The following NELL2 variants were observed in gnomAD, a reference collection of about 807,000 sequenced individuals.
NELL2 encodes protein kinase C-binding protein NELL2.
In NELL2, 41 loss-of-function variants were observed where a neutral mutation model predicts 109.6. The observed-to-expected ratio is 0.37, with a 90% CI of 0.29 to 0.49. The LOEUF (loss-of-function observed/expected upper bound fraction) is 0.49, where lower values mean the gene tolerates loss of function less well. NELL2 is among the 20% of genes least tolerant of loss of function. NELL2 has a pLI of 0.98. For synonymous variants in NELL2, 355 were observed against 344.7 expected, an observed-to-expected ratio of 1.03 and a Z score of -0.33; for missense variants, 900 against 1,008.3, an observed-to-expected ratio of 0.89 and a Z score of 1.45.
At position 44,508,403 on chromosome 12, in the gene NELL2, A is replaced by T. The variant is rs1176899894; in HGVS notation, c.*531T>A. On this transcript the variant is annotated 3_prime_UTR_variant, in exon 20 of 20. Transcript: ENST00000429094. ...GGGATGACTTTTCCTGTTAGAAAAT[A>T]TTAAGTAACCATGCCTGTGCATTAT... The T allele has an allele frequency of 1.3e-5, 2 of 152,704 alleles. No homozygotes were observed. Among genetic ancestry groups the T allele is most frequent in the Non-Finnish European group, 2.9e-5 (2 of 68,098 alleles). 9.5% of individuals were successfully genotyped at this position (152,704 alleles called of 1,614,324 possible).
intron 13 of NELL2, among the ~76,000 whole-genome samples, chr12:44,650,176 C>A (rs973475582): frequency 6.6e-6 from 1 of 152,074 alleles, no homozygotes; most frequent in Non-Finnish European, 1.5e-5. Flanking sequence ...CTTATAATAT[C>A]TTGTTACCTC....
At chr12:44,902,298 A>T (rs2136882275) in intron 1 of NELL2, among the ~76,000 whole-genome samples, 1 of 152,314 alleles carries the variant, frequency 6.6e-6, no homozygotes, top group South Asian at 2.1e-4. Context: ...ACTCCCATCC[A>T]CAATTGCTAC....
At chr12:44,654,144 G>T (rs897215219) in intron 13 of NELL2, among the ~76,000 whole-genome samples, 1 of 152,152 alleles carries the variant, frequency 6.6e-6, no homozygotes, top group African/African-American at 2.4e-5. Flanking sequence ...GCTACAAATT[G>T]TACCATACTG....
chr12:44,565,019 A>C (rs1943602281), intron 15 of NELL2, among the ~76,000 whole-genome samples: 1 of 152,130 alleles, frequency 6.6e-6, no homozygotes, highest in Non-Finnish European at 1.5e-5. Flanking sequence ...AAAAATGGAT[A>C]TTTTTAATCT....
At chr12:44,573,682 A>G (rs960972498) in intron 15 of NELL2, among the ~76,000 whole-genome samples, 1 of 152,266 alleles carries the variant, frequency 6.6e-6, no homozygotes, top group African/African-American at 2.4e-5. Flanking sequence ...ATGGTTGGAA[A>G]GGAAAAGATT....
chr12:44,564,991 CCT>C (rs775117171), intron 15 of NELL2, among the ~76,000 whole-genome samples: 1 of 152,120 alleles, frequency 6.6e-6, no homozygotes, highest in Non-Finnish European at 1.5e-5. Flanking sequence ...GAATCAGAAT[CCT>C]CTGAGGATGC....
chr12:44,570,715 TATA>T (rs1295886137), intron 15 of NELL2, among the ~76,000 whole-genome samples: 1 of 152,178 alleles, frequency 6.6e-6, no homozygotes, highest in Non-Finnish European at 1.5e-5. Context: ...TTTTAAAAAA[TATA>T]ATATAATACT....
intron 15 of NELL2, among the ~76,000 whole-genome samples, chr12:44,565,967 T>C (rs1023800198): frequency 7.9e-5 from 12 of 152,122 alleles, no homozygotes; most frequent in Admixed American, 3.9e-4. Flanking sequence ...TGGTCTCCTC[T>C]GAATTTGAAA....
At chr12:44,613,968 A>G (rs577630369) in intron 13 of NELL2, among the ~76,000 whole-genome samples, 1 of 152,174 alleles carries the variant, frequency 6.6e-6, no homozygotes, top group East Asian at 1.9e-4. Context: ...ATTAAATAGA[A>G]TAAGGAAGGA....
At chr12:44,617,363 G>C (rs905451587) in intron 13 of NELL2, among the ~76,000 whole-genome samples, 2 of 152,120 alleles carry the variant, frequency 1.3e-5, no homozygotes, top group African/African-American at 2.4e-5. Context: ...AGCTTTCTAA[G>C]TTTAAAATGA....
chr12:44,827,680 G>A (rs1316417025), intron 2 of NELL2, among the ~76,000 whole-genome samples: 6 of 152,206 alleles, frequency 3.9e-5, no homozygotes, highest in South Asian at 2.1e-4. Context: ...GGTACTCATC[G>A]TGTGTAAGTA....
intron 2 of NELL2, among the ~76,000 whole-genome samples, chr12:44,840,550 T>C (rs1216068833): frequency 6.6e-6 from 1 of 150,874 alleles, no homozygotes; most frequent in Non-Finnish European, 1.5e-5. Flanking sequence ...GGCAGGAGAA[T>C]GGTGAGAACC....
At chr12:44,637,944 C>T (rs532411519) in intron 13 of NELL2, among the ~76,000 whole-genome samples, 1 of 152,130 alleles carries the variant, frequency 6.6e-6, no homozygotes, top group East Asian at 1.9e-4. Flanking sequence ...TTGGTCCAAC[C>T]TGTTTCACTG....
intron 13 of NELL2, among the ~76,000 whole-genome samples, chr12:44,624,328 A>T (rs1403302702): frequency 6.6e-6 from 1 of 152,078 alleles, no homozygotes; most frequent in Non-Finnish European, 1.5e-5. Flanking sequence ...CTTCCACAAA[A>T]TTAAAAACTT....
chr12:44,822,629 G>C (rs1943583541), intron 2 of NELL2, among the ~76,000 whole-genome samples: 1 of 152,192 alleles, frequency 6.6e-6, no homozygotes, highest in African/African-American at 2.4e-5. Context: ...TTATCGACAT[G>C]CCTATGCTGC....
intron 12 of NELL2, among the ~76,000 whole-genome samples, chr12:44,683,553 G>C (rs1948604284): frequency 6.6e-6 from 1 of 151,836 alleles, no homozygotes; most frequent in African/African-American, 2.4e-5. Flanking sequence ...ATTGGCTGTG[G>C]GTTTGTCATA....
chr12:44,663,377 G>T (rs540194165), intron 13 of NELL2, among the ~76,000 whole-genome samples: 2 of 152,092 alleles, frequency 1.3e-5, no homozygotes, highest in Non-Finnish European at 2.9e-5. Flanking sequence ...AAATTTAAGG[G>T]CAAGAAAGTT....
chr12:44,592,243 A>T (rs1453692449), intron 15 of NELL2, among the ~76,000 whole-genome samples: 2 of 152,236 alleles, frequency 1.3e-5, no homozygotes, highest in Non-Finnish European at 2.9e-5. Context: ...ATGATTTAAT[A>T]AATGTAAAGC....
intron 3 of NELL2, among the ~76,000 whole-genome samples, chr12:44,796,558 A>G (rs971424475): frequency 1.3e-5 from 2 of 152,158 alleles, no homozygotes; most frequent in African/African-American, 4.8e-5. Context: ...ATCTGTCAAT[A>G]AACAAGGCCA....
Sources: allele counts gnomAD v4.1 joint callset (sites outside exome capture counted in the v4.1 genomes callset), GRCh38; gene constraint gnomAD v4.1.1; transcripts MANE v1.5; gene names NCBI Gene and HGNC (gene_info 2026-07-23, HGNC 2026-07-21).